Variants in GRIA4 observed in about 807,000 individuals in gnomAD.
The protein encoded by GRIA4 is glutamate receptor 4.
In GRIA4, 34 loss-of-function variants were observed where a neutral mutation model predicts 104.0. The observed-to-expected ratio is 0.33, with a 90% CI of 0.25 to 0.44. GRIA4 has a LOEUF of 0.44. GRIA4 is among the 20% of genes least tolerant of loss of function. GRIA4 has a pLI of 1.00. For synonymous variants in GRIA4, 386 were observed against 381.9 expected (o/e 1.01, Z -0.13); for missense variants, 750 against 1,096.5 (o/e 0.68, Z 4.46).
intron 3 of GRIA4, among the ~76,000 whole-genome samples, chr11:105,643,416 C>A (rs930328603): frequency 1.3e-5 from 2 of 152,118 alleles, no homozygotes; most frequent in East Asian, 1.9e-4. Context: ...ATTGTCAGCA[C>A]CTCTAGGTAC....
At chr11:105,757,626 G>A (rs141588635) in intron 4 of GRIA4, among the ~76,000 whole-genome samples, 173 of 152,228 alleles carry the variant, frequency 1.1e-3, no homozygotes, top group Middle Eastern at 3.4e-3. Context: ...GCAGACCTCC[G>A]TGAATATCTG....
At chr11:105,949,606 C>T (rs78943775) in intron 14 of GRIA4, among the ~76,000 whole-genome samples, 2 of 152,068 alleles carry the variant, frequency 1.3e-5, no homozygotes, top group East Asian at 3.9e-4. Context: ...ACAGCATCTA[C>T]AGTATCTGTG....
At chr11:105,795,489 T>C (rs976856074) in intron 4 of GRIA4, among the ~76,000 whole-genome samples, 6 of 152,098 alleles carry the variant, frequency 3.9e-5, no homozygotes, top group African/African-American at 1.2e-4. Context: ...AGTGTGAATG[T>C]GTGATGTGGA....
At chr11:105,828,040 T>G (rs1258250916) in intron 4 of GRIA4, among the ~76,000 whole-genome samples, 1 of 152,004 alleles carries the variant, frequency 6.6e-6, no homozygotes, top group Non-Finnish European at 1.5e-5. Context: ...TTCAGTAGAA[T>G]TTTTATTGCC....
intron 4 of GRIA4, among the ~76,000 whole-genome samples, chr11:105,803,786 TA>T (rs1359995047): frequency 6.8e-6 from 1 of 147,140 alleles, no homozygotes. Context: ...GTTCTCAAAG[TA>T]AGCTTCTGAT....
chr11:105,788,167 T>C (rs1305513726), intron 4 of GRIA4, among the ~76,000 whole-genome samples: 1 of 152,122 alleles, frequency 6.6e-6, no homozygotes. Flanking sequence ...ATGTTCTAAA[T>C]CAACCCATAA....
At chr11:105,744,874 G>A (rs1014934954) in intron 3 of GRIA4, among the ~76,000 whole-genome samples, 1 of 151,908 alleles carries the variant, frequency 6.6e-6, no homozygotes, top group Non-Finnish European at 1.5e-5. Flanking sequence ...GTTAATTTAG[G>A]GTCAACTTTC....
intron 4 of GRIA4, among the ~76,000 whole-genome samples, chr11:105,822,296 A>C (rs1943603461): frequency 6.6e-6 from 1 of 152,066 alleles, no homozygotes; most frequent in African/African-American, 2.4e-5. Context: ...TCTTTGAGTA[A>C]AAGAATGTGA....
At chr11:105,715,082 T>A (rs537151771) in intron 3 of GRIA4, among the ~76,000 whole-genome samples, 1 of 152,302 alleles carries the variant, frequency 6.6e-6, no homozygotes, top group East Asian at 1.9e-4. Context: ...GATTATATCT[T>A]ATGGAGAATT....
chr11:105,652,614 G>T (rs1452536460), intron 3 of GRIA4, among the ~76,000 whole-genome samples: 2 of 151,996 alleles, frequency 1.3e-5, no homozygotes, highest in Non-Finnish European at 2.9e-5. Flanking sequence ...GATAAGTTGT[G>T]GCCTTTTTTA....
chr11:105,711,952 A>G (rs1953927306), intron 3 of GRIA4, among the ~76,000 whole-genome samples: 1 of 152,152 alleles, frequency 6.6e-6, no homozygotes, highest in Non-Finnish European at 1.5e-5. Flanking sequence ...TAAATGTAAA[A>G]TATTGTTGAA....
intron 13 of GRIA4, among the ~76,000 whole-genome samples, chr11:105,928,452 C>A (rs1016441561): frequency 3.3e-5 from 5 of 151,942 alleles, no homozygotes; most frequent in African/African-American, 7.2e-5. Flanking sequence ...CCTAGCACAT[C>A]CCTATTTCTA....
At chr11:105,749,204 A>G (rs1460682875) in intron 3 of GRIA4, among the ~76,000 whole-genome samples, 1 of 152,154 alleles carries the variant, frequency 6.6e-6, no homozygotes, top group Non-Finnish European at 1.5e-5. Context: ...AAACTCTAAG[A>G]TTTAGGATGT....
At chr11:105,767,791 T>C (rs1469339286) in intron 4 of GRIA4, among the ~76,000 whole-genome samples, 1 of 152,110 alleles carries the variant, frequency 6.6e-6, no homozygotes, top group Non-Finnish European at 1.5e-5. Context: ...ATGCGACCCA[T>C]AGAGATTAAA....
chr11:105,892,305 A>T (rs56221005), intron 6 of GRIA4, among the ~76,000 whole-genome samples: 27,934 of 152,128 alleles, frequency 0.18, 2,884 homozygotes, highest in South Asian at 0.23. Flanking sequence ...ACCAAGACAA[A>T]TTCTTAGAAT....
At chr11:105,673,344 C>T (rs981890750) in intron 3 of GRIA4, among the ~76,000 whole-genome samples, 1 of 151,906 alleles carries the variant, frequency 6.6e-6, no homozygotes, top group Non-Finnish European at 1.5e-5. Context: ...GGCTAGCTCA[C>T]AAAACAATGA....
chr11:105,650,705 T>G (rs1271263234), intron 3 of GRIA4, among the ~76,000 whole-genome samples: 2 of 152,280 alleles, frequency 1.3e-5, no homozygotes, highest in Admixed American at 6.5e-5. Context: ...GTTGGTCTAG[T>G]GTAGGGCAAA....
At chr11:105,763,370 C>A (rs2155042) in intron 4 of GRIA4, among the ~76,000 whole-genome samples, 1 of 151,878 alleles carries the variant, frequency 6.6e-6, no homozygotes, top group Non-Finnish European at 1.5e-5. Flanking sequence ...ATGTCATTAG[C>A]GTTCTGTGTT....
chr11:105,881,499 C>T (rs563541288), intron 5 of GRIA4, among the ~76,000 whole-genome samples: 1 of 152,222 alleles, frequency 6.6e-6, no homozygotes, highest in South Asian at 2.1e-4. Flanking sequence ...ACCCAAAGGA[C>T]CACCTTATCC....
Sources: allele counts gnomAD v4.1 joint callset (sites outside exome capture counted in the v4.1 genomes callset), GRCh38; gene constraint gnomAD v4.1.1; transcripts MANE v1.5; gene names NCBI Gene and HGNC (gene_info 2026-07-23, HGNC 2026-07-21).